DSG1: variants seen among roughly 807,000 people sequenced by gnomAD.
DSG1 encodes the protein desmoglein 1, also known as desmoglein-1.
DSG1 carries 39 observed loss-of-function variants against 97.5 expected under a neutral mutation model. The observed-to-expected ratio is 0.40, with a 90% CI of 0.31 to 0.52. The LOEUF is 0.52. Among genes scored for constraint, DSG1 ranks in the 20% least tolerant of loss-of-function variants. DSG1 has a pLI of 0.53. For missense variants in DSG1, 1,311 were observed against 1,295.4 expected (o/e 1.01, Z -0.18); for synonymous variants, 475 against 443.4 (o/e 1.07, Z -0.90).
At chr18:31,330,425 A>C (rs1568041098) in intron 5 of DSG1, among the ~76,000 whole-genome samples, 1 of 152,112 alleles carries the variant, frequency 6.6e-6, no homozygotes, top group African/African-American at 2.4e-5. Context: ...GCTACTTTAA[A>C]ATCACTTATA....
Position 31,334,116 on chromosome 18 carries a change from A to T in DSG1, c.919A>T (p.Ile307Phe). 6.2e-7 allele frequency: 1 copy of T among 1,609,618 alleles called. No individual in the cohort carries two copies. The highest frequency in any genetic ancestry group is 1.1e-5 in the South Asian group (1 of 90,978). Residue 307 changes from isoleucine to phenylalanine, a missense_variant, in exon 8 of 15, where the codon ATT (isoleucine) becomes TTT (phenylalanine). Coordinates refer to ENST00000257192, the MANE Select transcript of DSG1 (RefSeq NM_001942.4). The stretch of plus-strand genomic sequence containing the variant: ...GTTCTCAGCTAACTGGATGGCAGTA[A>T]TTTTCTTTATCTCTGGAAATGAAGG... Reference protein sequence around the residue: ...EEFSANWMAVIFFISGNEGNW... With the variant: ...EEFSANWMAVFFFISGNEGNW...
chr18:31,340,901 G>A (rs544379229), intron 11 of DSG1, among the ~76,000 whole-genome samples: 4 of 152,324 alleles, frequency 2.6e-5, no homozygotes, highest in East Asian at 3.9e-4. Flanking sequence ...AAGCCTAATC[G>A]TCTGAGTCTT....
intron 13 of DSG1, among the ~76,000 whole-genome samples, 177 bp from the exon 14 acceptor site, chr18:31,345,813 A>G (rs143104952): frequency 6.6e-6 from 1 of 152,278 alleles, no homozygotes; most frequent in East Asian, 1.9e-4. Flanking sequence ...ACAAATTAAT[A>G]ATATTATTTT....
rs2071957960 is a variant in DSG1 at position 31,356,331 on chromosome 18, A to G, written c.*985A>G. 1 of 152,048 alleles carries G rather than the reference A, an allele frequency of 6.6e-6. No homozygotes were observed. The allele number at this position is 152,048 out of a possible 1,614,324, so 9.4% of individuals were successfully genotyped here. The stretch of plus-strand genomic sequence containing the variant: ...GATATTCATTCGTATCCAGCTCTTT[A>G]TTACATAGCTCTGAAGTTAAAATGA... On this transcript the variant is annotated 3_prime_UTR_variant, in exon 15 of 15. Coordinates refer to ENST00000257192, the MANE Select transcript of DSG1 (RefSeq NM_001942.4).
chr18:31,349,551 C>T, intron 14 of DSG1, among the ~76,000 whole-genome samples: 1 of 134,784 alleles, frequency 7.4e-6, no homozygotes, highest in Non-Finnish European at 1.6e-5. Flanking sequence ...TGTAAATTAC[C>T]TTGGGCAGTA....
Position 31,357,241 on chromosome 18 carries a change from G to A in DSG1, c.*1895G>A, listed in dbSNP as rs2071967129. Among the ~76,000 whole-genome samples, 2 of 152,146 alleles carry A rather than the reference G, an allele frequency of 1.3e-5. No individual in the cohort carries two copies. Among genetic ancestry groups the A allele is most frequent in the Admixed American group, 1.3e-4 (2 of 15,294 alleles). ...ATCTTCTTTTAACTCTGTAGAATAT[G>A]TAAAATTTTGATAGTCTGTAGTATG... On this transcript the variant is annotated 3_prime_UTR_variant, in exon 15 of 15. Coordinates refer to ENST00000257192, the MANE Select transcript of DSG1 (RefSeq NM_001942.4).
intron 14 of DSG1, 66 bp downstream of exon 14, chr18:31,346,264 C>A (rs2071835091): frequency 1.5e-6 from 2 of 1,354,112 alleles, no homozygotes; most frequent in African/African-American, 2.9e-5. Context: ...CAAGCTTTCA[C>A]TAATTCCTAA....
intron 6 of DSG1, among the ~76,000 whole-genome samples, chr18:31,332,911 C>T (rs9950622): frequency 0.41 from 63,002 of 152,016 alleles, 14,282 homozygotes; most frequent in Non-Finnish European, 0.5. Context: ...CGTGGTAAAG[C>T]ACTGTAAGAA....
In DSG1 at chr18:31,346,040, G is replaced by A; in HGVS notation, c.1942G>A (p.Gly648Arg). 1.2e-6 allele frequency: 2 copies of A among 1,613,906 alleles called. No individual in the cohort carries two copies. The highest frequency in any genetic ancestry group is 8.5e-7 in the Non-Finnish European group (1 of 1,179,868). Residue 648 changes from glycine (G) to arginine (R), a missense_variant, in exon 14 of 15, where the codon GGA becomes AGA. Around this residue, in one of 3 missense-constraint regions of DSG1, gnomAD observed 1,038 missense variants for 964.6 expected, o/e 1.08. Coordinates refer to ENST00000257192, the MANE Select transcript of DSG1 (RefSeq NM_001942.4). ...GGREMQDLGG[G>R]ERMTGFELTE... is the part of the protein sequence containing the mutation. The stretch of plus-strand genomic sequence containing the variant: ...CAGAGAAATGCAAGATCTGGGAGGA[G>A]GAGAGAGAATGACAGGATTTGAACT...
intron 1 of DSG1, among the ~76,000 whole-genome samples, chr18:31,319,661 A>G (rs976796023): frequency 6.6e-6 from 1 of 152,204 alleles, no homozygotes; most frequent in African/African-American, 2.4e-5. Context: ...AATTTCAAAT[A>G]AATTTGATCC....
intron 11 of DSG1, among the ~76,000 whole-genome samples, chr18:31,340,655 A>T (rs1033178433): frequency 1.3e-5 from 2 of 152,150 alleles, no homozygotes; most frequent in Non-Finnish European, 2.9e-5. Flanking sequence ...AGAGAAAGGG[A>T]ACACAATACA....
chr18:31,353,050 T>A (rs1442336287), intron 14 of DSG1, among the ~76,000 whole-genome samples: 1 of 148,692 alleles, frequency 6.7e-6, no homozygotes, highest in Non-Finnish European at 1.5e-5. Context: ...GGTGCTCTGC[T>A]TTTTAGAGTT....
At chr18:31,352,130 G>C (rs2071902619) in intron 14 of DSG1, among the ~76,000 whole-genome samples, 1 of 151,976 alleles carries the variant, frequency 6.6e-6, no homozygotes, top group Admixed American at 6.5e-5. Flanking sequence ...TCCATGTTTA[G>C]TGCTTCCTTC....
In DSG1 at chr18:31,328,456, G is replaced by C. The variant is rs1309637974; in HGVS notation, c.372+112G>C. Reference sequence around the variant, plus strand: ...AAGAGTCTCAATATTTGGCATTTTTGGTTGTTTCTTAATTCACGAGCATCC... The same window carrying C: ...AAGAGTCTCAATATTTGGCATTTTTCGTTGTTTCTTAATTCACGAGCATCC... On this transcript the variant is annotated intron_variant, in intron 4 of 14. Coordinates refer to ENST00000257192, the MANE Select transcript of DSG1 (RefSeq NM_001942.4). 6.1e-6 allele frequency: 7 copies of C among 1,145,098 alleles called. No homozygotes were observed. The African/African-American group carries it at 9.2e-5, about 15-fold the overall frequency. The allele number at this position is 1,145,098 out of a possible 1,614,324, so 70.9% of individuals were successfully genotyped here.
intron 14 of DSG1, among the ~76,000 whole-genome samples, chr18:31,349,555 G>C (rs1486116246): frequency 7.7e-6 from 1 of 130,692 alleles, no homozygotes; most frequent in South Asian, 2.6e-4. Flanking sequence ...AATTACCTTG[G>C]GCAGTATGGC....
intron 12 of DSG1, 106 bp from the exon 13 acceptor site, chr18:31,343,820 T>C: frequency 8.4e-7 from 1 of 1,184,194 alleles, no homozygotes; most frequent in South Asian, 1.3e-5. Flanking sequence ...ATAGTATTTT[T>C]TTTTTAGGAA....
chr18:31,343,408 C>T (rs755487452), intron 11 of DSG1, 42 bp from the exon 12 acceptor site: 29 of 1,613,332 alleles, frequency 1.8e-5, no homozygotes, highest in Admixed American at 1.5e-4. Flanking sequence ...TTTTTATTTG[C>T]ACCCAGTGCT....
At chr18:31,320,058 C>T (rs1199166922) in intron 1 of DSG1, among the ~76,000 whole-genome samples, 1 of 152,022 alleles carries the variant, frequency 6.6e-6, no homozygotes, top group Non-Finnish European at 1.5e-5. Context: ...TTCACGTTGA[C>T]ATCATAGGTT....
chr18:31,342,095 G>C (rs865776702), intron 11 of DSG1, among the ~76,000 whole-genome samples: 1 of 151,756 alleles, frequency 6.6e-6, no homozygotes, highest in East Asian at 1.9e-4. Flanking sequence ...CACCACACCC[G>C]GCTAATTTTT....
Sources: gnomAD v4.1 joint callset for allele counts (sites outside exome capture counted in the v4.1 genomes callset) on GRCh38, gnomAD v4.1.1 for gene constraint, gnomAD v4.1.1 regional missense constraint, MANE v1.5 for transcripts, NCBI Gene and HGNC (gene_info 2026-07-23, HGNC 2026-07-21) for gene names.